The following ZFHX3 variants were observed in gnomAD, a reference collection of about 807,000 sequenced individuals.
The protein encoded by ZFHX3 is zinc finger homeobox 3, also known as zinc finger homeobox protein 3.
ZFHX3 carries 42 observed loss-of-function variants against 279.1 expected under a neutral mutation model. The observed-to-expected ratio is 0.15, with a 90% CI of 0.12 to 0.19. The LOEUF (loss-of-function observed/expected upper bound fraction) is 0.19. Ranked by LOEUF, ZFHX3 falls within the 10% of genes least tolerant of loss-of-function variation. ZFHX3 has a pLI of 1.00. For missense variants in ZFHX3, 4,981 were observed against 4,754.0 expected, an observed-to-expected ratio of 1.05 and a Z score of -1.40; for synonymous variants, 2,293 against 1,957.8, an observed-to-expected ratio of 1.17 and a Z score of -4.52.
chr16:73,213,425 C>T (rs1304215515), intron 5 of ZFHX3, among the ~76,000 whole-genome samples: 3 of 152,176 alleles, frequency 2.0e-5, no homozygotes, highest in African/African-American at 7.2e-5. Flanking sequence ...CTTAGCTCGA[C>T]CCACATGTGC....
chr16:73,705,123 T>C (rs1350691245), intron 1 of ZFHX3, among the ~76,000 whole-genome samples: 1 of 152,226 alleles, frequency 6.6e-6, no homozygotes, highest in Non-Finnish European at 1.5e-5. Context: ...TAGTAAAATG[T>C]AGTAAAATAA....
intron 3 of ZFHX3, among the ~76,000 whole-genome samples, chr16:73,353,174 A>T (rs2016278800): frequency 2.0e-5 from 3 of 152,254 alleles, no homozygotes; most frequent in African/African-American, 7.2e-5. Flanking sequence ...GGCTCTGCTC[A>T]GGCAAATGGT....
At chr16:72,975,909 C>T (rs1962328457) in intron 1 of ZFHX3, among the ~76,000 whole-genome samples, 2 of 152,196 alleles carry the variant, frequency 1.3e-5, no homozygotes, top group Non-Finnish European at 2.9e-5. Flanking sequence ...TTGAAAATCT[C>T]TTATCTGAGC....
At chr16:73,197,663 T>C (rs1210382820) in intron 5 of ZFHX3, among the ~76,000 whole-genome samples, 2 of 152,198 alleles carry the variant, frequency 1.3e-5, no homozygotes, top group African/African-American at 4.8e-5. Context: ...TCTTCATTTC[T>C]AATGTTACAT....
intron 1 of ZFHX3, among the ~76,000 whole-genome samples, chr16:73,755,995 C>A (rs563417726): frequency 7.2e-5 from 11 of 152,264 alleles, no homozygotes; most frequent in African/African-American, 2.6e-4. Context: ...CACTCTCCAC[C>A]GCTTAGAGAG....
At chr16:73,782,449 TA>T (rs1959504215) in intron 1 of ZFHX3, among the ~76,000 whole-genome samples, 1 of 152,218 alleles carries the variant, frequency 6.6e-6, no homozygotes, top group Non-Finnish European at 1.5e-5. Flanking sequence ...AGCAGCTATT[TA>T]AGGTCCCTAA....
intron 5 of ZFHX3, among the ~76,000 whole-genome samples, chr16:73,170,223 GTTTTTTTTTTTT>G (rs1156523996): frequency 8.7e-5 from 5 of 57,718 alleles, no homozygotes; most frequent in Admixed American, 3.0e-4. Context: ...CCTTTCACTA[GTTTTTTTTTTTT>G]TTTTTTTTTT....
In ZFHX3 at chr16:73,638,622, C is replaced by G. The variant is rs75467103; in HGVS notation, c.-1547+41558G>C. The stretch of plus-strand genomic sequence containing the variant: ...TTGCCTTCAATAAACATATGCTAAA[C>G]AAACAAACCTCTATTATAGCACCTG... On this transcript the variant is annotated intron_variant, in intron 2 of 17. Coordinates refer to the ZFHX3 transcript ENST00000641206. Among the ~76,000 whole-genome samples, 231 of 152,262 alleles carry G rather than the reference C, an allele frequency of 1.5e-3. 1 individual carries two copies. Among genetic ancestry groups the G allele is most frequent in the African/African-American group, 5.5e-3 (228 of 41,560 alleles).
Position 72,785,570 on chromosome 16 carries a change from C to G in ZFHX3, c.*1594G>C, listed in dbSNP as rs1057106876. The stretch of plus-strand genomic sequence containing the variant: ...AAACAAATTCTCAAGTAACAAGAAC[C>G]CTTTCCCTTTTTTCTGCATCAGCAG... On this transcript the variant is annotated 3_prime_UTR_variant, in exon 10 of 10. Transcript: ENST00000268489. 2.0e-5 allele frequency: 3 copies of G among 152,492 alleles called. No homozygotes were observed. The highest frequency in any genetic ancestry group is 4.4e-5 in the Non-Finnish European group (3 of 68,016). 9.4% of individuals were successfully genotyped at this position (152,492 alleles called of 1,614,324 possible).
intron 1 of ZFHX3, among the ~76,000 whole-genome samples, chr16:73,818,210 T>G (rs147817955): frequency 6.6e-6 from 1 of 152,320 alleles, no homozygotes; most frequent in East Asian, 1.9e-4. Context: ...TGCAACTGTT[T>G]ATAGTATGAC....
At chr16:73,686,346 G>A (rs2053084000) in intron 1 of ZFHX3, among the ~76,000 whole-genome samples, 2 of 152,042 alleles carry the variant, frequency 1.3e-5, no homozygotes, top group South Asian at 2.1e-4. Context: ...CACCCACCTC[G>A]GCCTCCCAAA....
intron 2 of ZFHX3, among the ~76,000 whole-genome samples, chr16:73,592,757 A>G (rs2052012862): frequency 6.6e-6 from 1 of 152,108 alleles, no homozygotes; most frequent in South Asian, 2.1e-4. Flanking sequence ...TTAAATAGAG[A>G]CAAATAGAAA....
At chr16:73,035,720 T>C (rs144862150) in intron 1 of ZFHX3, among the ~76,000 whole-genome samples, 1 of 152,294 alleles carries the variant, frequency 6.6e-6, no homozygotes, top group East Asian at 1.9e-4. Context: ...ACCCCGTCTC[T>C]ACTAAAAATA....
chr16:73,376,397 C>A (rs780750736), intron 3 of ZFHX3, among the ~76,000 whole-genome samples: 1 of 152,194 alleles, frequency 6.6e-6, no homozygotes, highest in Non-Finnish European at 1.5e-5. Flanking sequence ...CTCTCTCTGA[C>A]CTTCACTCAG....
At chr16:72,862,836 G>GA (rs67311563) in intron 4 of ZFHX3, among the ~76,000 whole-genome samples, 2,620 of 148,146 alleles carry the variant, frequency 0.018, 66 homozygotes, top group African/African-American at 0.059. Flanking sequence ...TGCAAGGAAG[G>GA]AAAAAAAAAA....
chr16:73,781,797 A>C (rs554599548), intron 1 of ZFHX3, among the ~76,000 whole-genome samples: 8 of 152,200 alleles, frequency 5.3e-5, no homozygotes, highest in Non-Finnish European at 1.0e-4. Context: ...GACCAGCCTG[A>C]CCAACATAGT....
chr16:73,155,180 C>CAAAACAA (rs1967045650), intron 5 of ZFHX3, among the ~76,000 whole-genome samples: 1 of 105,216 alleles, frequency 9.5e-6, no homozygotes, highest in Non-Finnish European at 2.0e-5. Context: ...CTCAAAAAAA[C>CAAAACAA]AAAAAAAAAA....
At chr16:72,877,861 T>G (rs2038357006) in intron 4 of ZFHX3, among the ~76,000 whole-genome samples, 1 of 152,168 alleles carries the variant, frequency 6.6e-6, no homozygotes, top group Non-Finnish European at 1.5e-5. Context: ...GAAGCCCCCT[T>G]AACTGGGGGC....
At chr16:73,731,066 T>C (rs2053566217) in intron 1 of ZFHX3, among the ~76,000 whole-genome samples, 3 of 152,258 alleles carry the variant, frequency 2.0e-5, no homozygotes, top group Admixed American at 2.0e-4. Context: ...AAAAGGTTTC[T>C]TTGCTAGATT....
Sources: gnomAD v4.1 joint callset for allele counts (sites outside exome capture counted in the v4.1 genomes callset) on GRCh38, gnomAD v4.1.1 for gene constraint, MANE v1.5 for transcripts, NCBI Gene and HGNC (gene_info 2026-07-23, HGNC 2026-07-21) for gene names.